DIP2B: variants seen among roughly 807,000 people sequenced by gnomAD.
DIP2B encodes disco-interacting protein 2 homolog B.
In DIP2B, 76 loss-of-function variants were observed where a neutral mutation model predicts 198.0. That is an observed-to-expected ratio of 0.38 (90% confidence interval 0.32 to 0.46). The LOEUF is 0.46. Ranked by LOEUF, DIP2B falls within the 20% of genes least tolerant of loss-of-function variation. The pLI, the probability that DIP2B is intolerant of heterozygous loss-of-function variation, is 0.99. For synonymous variants in DIP2B, 701 were observed against 739.1 expected (o/e 0.95, Z 0.84); for missense variants, 1,559 against 1,978.4 (o/e 0.79, Z 4.02).
chr12:50,517,434 T>C (rs1958075842), intron 1 of DIP2B, among the ~76,000 whole-genome samples: 1 of 152,050 alleles, frequency 6.6e-6, no homozygotes, highest in African/African-American at 2.4e-5. Context: ...TCCATATCAT[T>C]CCAGTGTTAG....
At position 50,566,989 on chromosome 12, in the gene DIP2B, A is replaced by AAAAG. The variant is rs1555184567; in HGVS notation, c.101-58975_101-58972dup. 1.5e-3 allele frequency among the ~76,000 whole-genome samples: 228 copies of AAAAG among 148,476 alleles called. 3 individuals carry two copies. The highest frequency in any genetic ancestry group is 3.5e-3 in the Middle Eastern group (1 of 286). On this transcript the variant is annotated intron_variant, in intron 1 of 37. Transcript: ENST00000301180. ...TCCGTCTCAAAAAAAAAAAAAAAAA[A>AAAAG]AAAGAAAGAAAGAAATTGAATCATT...
At chr12:50,721,854 A>G (rs1180451314) in intron 26 of DIP2B, among the ~76,000 whole-genome samples, 1 of 152,256 alleles carries the variant, frequency 6.6e-6, no homozygotes, top group African/African-American at 2.4e-5. Flanking sequence ...GGAACGGTTA[A>G]CTAGGAAAAT....
At chr12:50,617,518 G>A (rs1937722034) in intron 1 of DIP2B, among the ~76,000 whole-genome samples, 1 of 150,938 alleles carries the variant, frequency 6.6e-6, no homozygotes, top group African/African-American at 2.4e-5. Flanking sequence ...TGGTTTAAAA[G>A]ATGAAAGGGG....
chr12:50,520,636 C>T (rs1012408292), intron 1 of DIP2B, among the ~76,000 whole-genome samples: 5 of 152,076 alleles, frequency 3.3e-5, no homozygotes, highest in South Asian at 2.1e-4. Flanking sequence ...CTCCATTTGT[C>T]GGTTCTCTGA....
intron 23 of DIP2B, among the ~76,000 whole-genome samples, chr12:50,715,190 ATCTTTTTGC>A (rs1392545515): frequency 6.6e-6 from 1 of 152,216 alleles, no homozygotes; most frequent in Non-Finnish European, 1.5e-5. Flanking sequence ...CTAGCTTCCC[ATCTTTTTGC>A]TCTGGTGTTT....
chr12:50,742,413 A>AAAAAC (rs1940265155), intron 37 of DIP2B, among the ~76,000 whole-genome samples: 2 of 137,712 alleles, frequency 1.5e-5, no homozygotes, highest in African/African-American at 5.1e-5. Context: ...AAAAAAAAAA[A>AAAAAC]AAAAAAAAAC....
At chr12:50,742,005 T>C (rs1940252669) in intron 37 of DIP2B, among the ~76,000 whole-genome samples, 1 of 152,190 alleles carries the variant, frequency 6.6e-6, no homozygotes, top group Admixed American at 6.5e-5. Flanking sequence ...GTAGTTGATA[T>C]TATCTCATCC....
At position 50,739,446 on chromosome 12, in the gene DIP2B, A is replaced by G. The variant is rs961699938; in HGVS notation, c.4214A>G (p.Tyr1405Cys). 7 of 1,614,000 alleles carry G rather than the reference A, an allele frequency of 4.3e-6. No homozygotes were observed. In the Admixed American group the frequency reaches 5.0e-5, roughly 12 times the overall value. Residue 1405 changes from tyrosine (Y) to cysteine (C), a missense_variant, in exon 36 of 38, where the codon TAC (tyrosine) becomes TGC (cysteine). Tyr to Cys is a radical substitution (Grantham distance 194). Transcript: ENST00000301180. ...AGTCCCCATACAGCCAGCGGCTACT[A>G]CACCATCTATGATAGCGAGACTCTT... is the stretch of plus-strand genomic sequence containing the variant. ...VNSPHTASGY[Y>C]TIYDSETLQA...
In DIP2B at chr12:50,737,211, G is replaced by A. The variant is rs575267238; in HGVS notation, c.4176+101G>A. 9.1e-4 allele frequency: 991 copies of A among 1,085,174 alleles called. 2 individuals are homozygous for A. The highest frequency in any genetic ancestry group is 1.2e-3 in the Non-Finnish European group (881 of 739,642). The allele number at this position is 1,085,174 out of a possible 1,614,324, so 67.2% of individuals were successfully genotyped here. On this transcript the variant is annotated intron_variant, in intron 35 of 37. Transcript: ENST00000301180. ...AAAACTGTGGATTTAGCTTTCCCCC[G>A]TTGTGAATGGAGTTAATTTTTTTCT...
At position 50,694,862 on chromosome 12, in the gene DIP2B, G is replaced by T. The variant is rs181354364; in HGVS notation, c.1720-405G>T. On this transcript the variant is annotated intron_variant, in intron 14 of 37. Transcript: ENST00000301180. ...GGAATACTGTGCCGCAGTTCAAAAA[G>T]AATTATGTAGATCTCTTATACTGAT... Among the ~76,000 whole-genome samples the T allele has an allele frequency of 2.0e-5, 3 of 152,026 alleles. No individual in the cohort carries two copies. In the East Asian group the frequency reaches 5.8e-4, roughly 29 times the overall value.
At chr12:50,581,529 G>A (rs867224813) in intron 1 of DIP2B, among the ~76,000 whole-genome samples, 2 of 149,346 alleles carry the variant, frequency 1.3e-5, no homozygotes, top group South Asian at 4.4e-4. Flanking sequence ...GTGGAAGGGG[G>A]TAGAGGAGAT....
rs1407612610 is a variant in DIP2B at position 50,581,683 on chromosome 12, G to A, written c.101-44293G>A. 1.3e-5 allele frequency among the ~76,000 whole-genome samples: 2 copies of A among 151,208 alleles called. 1 individual carries two copies. Among genetic ancestry groups the A allele is most frequent in the East Asian group, 4.0e-4 (2 of 4,940 alleles). ...AACACTACTTGTGGTGTACGTTATC[G>A]TGCCCAAGACAGTGGAGTCACCGGG... On this transcript the variant is annotated intron_variant, in intron 1 of 37. Transcript: ENST00000301180.
intron 1 of DIP2B, among the ~76,000 whole-genome samples, chr12:50,518,675 G>C (rs1374801696): frequency 6.6e-6 from 1 of 152,214 alleles, no homozygotes; most frequent in East Asian, 1.9e-4. Context: ...CTTGTTTCAA[G>C]TAGTTTCAGC....
intron 19 of DIP2B, among the ~76,000 whole-genome samples, chr12:50,702,983 T>C (rs1308103049): frequency 6.6e-6 from 1 of 152,094 alleles, no homozygotes; most frequent in African/African-American, 2.4e-5. Flanking sequence ...CCCAACACTT[T>C]GGGAAGCCAA....
chr12:50,698,344 G>C lies in DIP2B; in HGVS notation c.2065G>C (p.Ala689Pro). 1 of 1,613,028 alleles carries C rather than the reference G, an allele frequency of 6.2e-7. No homozygotes were observed. The highest frequency in any genetic ancestry group is 8.5e-7 in the Non-Finnish European group (1 of 1,179,482). The part of the protein sequence containing the change: ...VAIRRPGVPG[A>P]PLPGRAILSM... ...TCTTTTCAGGCCTGGAGTTCCAGGA[G>C]CCCCTTTGCCAGGAAGAGCCATTCT... Residue 689 changes from alanine (A) to proline (P), a missense_variant, in exon 18 of 38, where the codon GCC (alanine) becomes CCC (proline). Ala to Pro is a conservative substitution (Grantham distance 27). Coordinates refer to ENST00000301180, the MANE Select transcript of DIP2B (RefSeq NM_173602.3).
At chr12:50,629,388 G>C (rs1357646687) in intron 2 of DIP2B, among the ~76,000 whole-genome samples, 2 of 152,150 alleles carry the variant, frequency 1.3e-5, no homozygotes, top group Non-Finnish European at 2.9e-5. Flanking sequence ...CCCATTTTCA[G>C]GTTCAGAGTT....
chr12:50,642,578 G>C (rs1938275068), intron 3 of DIP2B, among the ~76,000 whole-genome samples: 1 of 152,170 alleles, frequency 6.6e-6, no homozygotes, highest in African/African-American at 2.4e-5. Flanking sequence ...TTGAGGTCAG[G>C]AGTTCGAGAC....
chr12:50,598,357 T>C (rs1242831087), intron 1 of DIP2B, among the ~76,000 whole-genome samples: 1 of 152,096 alleles, frequency 6.6e-6, no homozygotes, highest in Non-Finnish European at 1.5e-5. Flanking sequence ...TTAGGGAGAA[T>C]CTTAACACAA....
At chr12:50,584,165 A>G (rs1478678166) in intron 1 of DIP2B, among the ~76,000 whole-genome samples, 2 of 152,138 alleles carry the variant, frequency 1.3e-5, no homozygotes, top group Non-Finnish European at 2.9e-5. Context: ...CTAAATCTAT[A>G]TCCACAGCCA....
Sources: allele counts gnomAD v4.1 joint callset (sites outside exome capture counted in the v4.1 genomes callset), GRCh38; gene constraint gnomAD v4.1.1; transcripts MANE v1.5; gene names NCBI Gene and HGNC (gene_info 2026-07-23, HGNC 2026-07-21).